The following SUMF2 variants were observed in gnomAD, a reference collection of about 807,000 sequenced individuals.
SUMF2 encodes sulfatase modifying factor 2, also known as inactive C-alpha-formylglycine-generating enzyme 2.
In SUMF2, 45 loss-of-function variants were observed where a neutral mutation model predicts 44.8. The observed-to-expected ratio is 1.00, with a 90% CI of 0.79 to 1.29. The LOEUF is 1.29. Ranked by LOEUF, SUMF2 falls within the 50% of genes most tolerant of loss-of-function variation. The probability of loss-of-function intolerance (pLI) is 0.00; values close to 1 mark genes in which losing one functional copy is unlikely to be tolerated. For missense variants in SUMF2, 418 were observed against 389.9 expected (o/e 1.07, Z -0.61); for synonymous variants, 148 against 150.4 (o/e 0.98, Z 0.12).
chr7:56,070,913 C>T (rs143352540), intron 2 of SUMF2, among the ~76,000 whole-genome samples: 29 of 152,290 alleles, frequency 1.9e-4, no homozygotes, highest in Admixed American at 3.9e-4. Context: ...CAGAAGACTA[C>T]ATACTGTATG....
downstream of SUMF2, among the ~76,000 whole-genome samples, chr7:56,082,438 C>A (rs376264732): frequency 2.6e-5 from 4 of 152,038 alleles, no homozygotes; most frequent in Non-Finnish European, 5.9e-5. Flanking sequence ...ACTAAAAATA[C>A]AAAAATTAGC....
chr7:56,081,737 C>A (rs199932685), downstream of SUMF2: 1 of 1,613,658 alleles, frequency 6.2e-7, no homozygotes, highest in East Asian at 2.2e-5. This position sits in a 1 kb window ranked among gnomAD's most constrained non-coding sequence, Gnocchi z 4.6. Context: ...TGGGGTTGCA[C>A]CACCAGGAAT....
At position 56,073,124 on chromosome 7, in the gene SUMF2, G is replaced by C; in HGVS notation, c.339+13G>C. ...CCAGCCAATGAAGGTGAGAGAACCT[G>C]GTCTTGCAGCTGAGGGGATAGGAGT... On this transcript the variant is annotated intron_variant, in intron 3 of 8. Coordinates refer to ENST00000434526, the MANE Select transcript of SUMF2 (RefSeq NM_015411.4). 1 of 1,605,248 alleles carries C rather than the reference G, an allele frequency of 6.2e-7. No individual in the cohort carries two copies. Among genetic ancestry groups the C allele is most frequent in the Non-Finnish European group, 8.5e-7 (1 of 1,171,982 alleles).
chr7:56,079,081 C>A, intron 8 of SUMF2: 1 of 527,746 alleles, frequency 1.9e-6, no homozygotes, highest in South Asian at 2.8e-5. Flanking sequence ...GCCATGCTGC[C>A]TAGGTTTGTC....
At chr7:56,077,014 G>A (rs1382911823) in intron 6 of SUMF2, 125 bp downstream of exon 6, 2 of 775,984 alleles carry the variant, frequency 2.6e-6, no homozygotes, top group Admixed American at 3.1e-5. Context: ...TCATAAGCTG[G>A]TAAAGCAAAA....
intron 6 of SUMF2, among the ~76,000 whole-genome samples, 158 bp downstream of exon 6, chr7:56,077,047 CTTTT>C (rs949808656): frequency 3.0e-5 from 4 of 135,328 alleles, no homozygotes; most frequent in Admixed American, 7.5e-5. Flanking sequence ...TAAGTGCTTT[CTTTT>C]TTTTTTTTTT....
At chr7:56,079,150 A>G (rs1795799222) in intron 8 of SUMF2, 7 of 492,030 alleles carry the variant, frequency 1.4e-5, no homozygotes, top group Non-Finnish European at 2.5e-5. Context: ...CTAGGATTAC[A>G]GGTGTGAGCC....
downstream of SUMF2, chr7:56,084,263 G>A: frequency 7.1e-7 from 1 of 1,400,336 alleles, no homozygotes. Context: ...GTGACAGTGT[G>A]GACTGGGATG....
intron 1 of SUMF2, among the ~76,000 whole-genome samples, chr7:56,066,368 T>A (rs1041505693): frequency 2.0e-5 from 3 of 152,198 alleles, no homozygotes; most frequent in African/African-American, 7.2e-5. Flanking sequence ...ACCAGCTCTT[T>A]AAGTCATATT....
At chr7:56,080,981 C>T (rs1227716224), downstream of SUMF2, 7 of 1,563,988 alleles carry the variant, frequency 4.5e-6, no homozygotes, top group Non-Finnish European at 4.4e-6. Context: ...GCACGCATCT[C>T]ACCCCTTTGA....
chr7:56,073,286 T>TA (rs1267367108), intron 3 of SUMF2, 175 bp downstream of exon 3: 2 of 677,406 alleles, frequency 3.0e-6, no homozygotes, highest in Admixed American at 4.1e-5. Context: ...CCCAGGAAGT[T>TA]AACCCTGAAC....
intron 1 of SUMF2, among the ~76,000 whole-genome samples, chr7:56,066,488 C>G (rs1323204782): frequency 1.3e-5 from 2 of 152,294 alleles, no homozygotes; most frequent in East Asian, 3.9e-4. Context: ...CTGTGTCCCT[C>G]CAGGCTGGAG....
rs1029740272 is a variant in SUMF2, at chr7:56,074,282, C to A, written c.384+64C>A. The A allele has an allele frequency of 1.1e-5, 17 of 1,482,024 alleles. No homozygotes were observed. The Admixed American group carries it at 2.7e-4, about 23-fold the overall frequency. The allele number at this position is 1,482,024 out of a possible 1,614,324, so 91.8% of individuals were successfully genotyped here. On this transcript the variant is annotated intron_variant, in intron 4 of 8. Coordinates refer to ENST00000434526, the MANE Select transcript of SUMF2 (RefSeq NM_015411.4). ...TTGACTCTTATTCTCCAGGCCCAGCCTCCTCTCTACCCCTCGTACATCCAG... is the reference window on the plus strand; with the variant it reads ...TTGACTCTTATTCTCCAGGCCCAGCATCCTCTCTACCCCTCGTACATCCAG...
intron 6 of SUMF2, 41 bp from the exon 7 acceptor site, chr7:56,078,061 G>A (rs759482546): frequency 1.9e-6 from 3 of 1,558,394 alleles, no homozygotes; most frequent in Admixed American, 1.7e-5. Context: ...ACCTGCTTTG[G>A]GACAGGTGGT....
intron 5 of SUMF2, 39 bp from the exon 6 acceptor site, chr7:56,076,795 A>G (rs776102497): frequency 6.5e-7 from 1 of 1,538,274 alleles, no homozygotes. Flanking sequence ...CTAATTCTTC[A>G]CCTCCCCCTC....
chr7:56,066,740 C>T (rs1263103854), intron 1 of SUMF2, among the ~76,000 whole-genome samples: 2 of 152,246 alleles, frequency 1.3e-5, no homozygotes, highest in Non-Finnish European at 2.9e-5. Context: ...CCTGCCTCAG[C>T]CTCCTGAGAG....
At chr7:56,076,725 C>T (rs1651914606) in intron 5 of SUMF2, 109 bp from the exon 6 acceptor site, 5 of 1,027,498 alleles carry the variant, frequency 4.9e-6, no homozygotes, top group Non-Finnish European at 7.1e-6. Context: ...ACTCTTTTTT[C>T]TCATCACCCT....
At chr7:56,066,767 C>G (rs1794830575) in intron 1 of SUMF2, among the ~76,000 whole-genome samples, 1 of 152,226 alleles carries the variant, frequency 6.6e-6, no homozygotes, top group South Asian at 2.1e-4. Context: ...TTACAGGCAC[C>G]TGACACCACG....
At chr7:56,074,240 T>C (rs1008189815) in intron 4 of SUMF2, 22 bp downstream of exon 4, 1 of 1,611,290 alleles carries the variant, frequency 6.2e-7, no homozygotes, top group Admixed American at 1.7e-5. Flanking sequence ...TTCCGCTACC[T>C]CATTTTCTAC....
Sources: allele counts gnomAD v4.1 joint callset (sites outside exome capture counted in the v4.1 genomes callset), GRCh38; gene constraint gnomAD v4.1.1; non-coding constraint Gnocchi (gnomAD v3.1); transcripts MANE v1.5; gene names NCBI Gene and HGNC (gene_info 2026-07-23, HGNC 2026-07-21).